SETD1B: variants seen among roughly 807,000 people sequenced by gnomAD.
SETD1B encodes SET domain containing 1B, histone lysine methyltransferase.
In SETD1B, 7 loss-of-function variants were observed where a neutral mutation model predicts 148.0. The ratio of observed to expected loss-of-function variants is 0.05; its 90% confidence interval spans 0.03 to 0.09. SETD1B has a LOEUF of 0.09. SETD1B is among the 10% of genes least tolerant of loss of function. The pLI, the probability that SETD1B is intolerant of heterozygous loss-of-function variation, is 1.00. For synonymous variants in SETD1B, 1,361 were observed against 1,186.5 expected (o/e 1.15, Z -3.02); for missense variants, 2,155 against 2,729.9 (o/e 0.79, Z 4.69).
At chr12:121,803,538 C>G (rs1315376855), upstream of SETD1B, 1 of 152,320 alleles carries the variant, frequency 6.6e-6, no homozygotes, top group East Asian at 1.9e-4. This position sits in a 1 kb window ranked among gnomAD's most constrained non-coding sequence, Gnocchi z 4.7. Flanking sequence ...ACCTCGATTG[C>G]AACTCCTCTG....
chr12:121,791,304 T>G, the SETD1B span, among the ~76,000 whole-genome samples: 2 of 152,192 alleles, frequency 1.3e-5, no homozygotes, highest in Admixed American at 1.3e-4. Context: ...TTTTGGATTT[T>G]TAGTAGAGAT....
In SETD1B at chr12:121,822,758, C is replaced by T; in HGVS notation, c.4179C>T (p.Ser1393=). ...PGGEPPLSGG[S]SGLSLSSPQV... ...GGGAGCCCCCGCTATCAGGGGGCAG[C>T]AGTGGCCTGTCCCTGAGCTCTCCGC... is the stretch of plus-strand genomic sequence containing the variant. Residue 1393 remains serine, a synonymous_variant, in exon 12 of 17, where the codon AGC becomes AGT. Coordinates refer to ENST00000604567, the MANE Select transcript of SETD1B (RefSeq NM_001353345.2). The T allele has an allele frequency of 6.6e-7, 1 of 1,517,190 alleles. No individual in the cohort carries two copies. 94.0% of individuals were successfully genotyped at this position (1,517,190 alleles called of 1,614,324 possible). A position where few individuals can be genotyped will look rare whatever the true frequency, so the allele number is the denominator to read the frequency against.
the SETD1B span, chr12:121,793,586 G>T: frequency 6.4e-7 from 1 of 1,552,772 alleles, no homozygotes. Context: ...GCTCCTTCCT[G>T]CCCGGACCGG....
intron 11 of SETD1B, 148 bp from the exon 12 acceptor site, chr12:121,822,342 G>A: frequency 2.3e-6 from 2 of 855,160 alleles, no homozygotes; most frequent in East Asian, 2.7e-5. Context: ...TGGGCGCTGA[G>A]GAGTCCTTGA....
At position 121,819,617 on chromosome 12, in the gene SETD1B, A is replaced by G; in HGVS notation, c.3632A>G (p.Gln1211Arg). The G allele has an allele frequency of 1.3e-6, 2 of 1,551,936 alleles. No homozygotes were observed. The highest frequency in any genetic ancestry group is 8.7e-7 in the Non-Finnish European group (1 of 1,147,062). The change falls in exon 11 of 17, where the codon CAG becomes CGG. Residue 1211 changes from glutamine (Q) to arginine (R), a missense_variant. Gln to Arg is a conservative substitution (Grantham distance 43). This residue lies in a region of SETD1B where 862 missense variants were observed against 873.8 expected (regional missense o/e 0.99). Coordinates refer to ENST00000604567, the MANE Select transcript of SETD1B (RefSeq NM_001353345.2). Reference sequence around the variant, plus strand: ...TCTGCAGGCCCTGAGGACTTTGAGCAGGACGGGGAGGAAGCGGCTCTGGCC... The same window carrying G: ...TCTGCAGGCCCTGAGGACTTTGAGCGGGACGGGGAGGAAGCGGCTCTGGCC... ...MASAGPEDFE[Q>R]DGEEAALAPG...
Position 121,810,510 on chromosome 12 carries a change from C to T in SETD1B, c.1565C>T (p.Ser522Leu), listed in dbSNP as rs1417166431. 10 of 1,546,318 alleles carry T rather than the reference C, an allele frequency of 6.5e-6. No individual in the cohort carries two copies. In the East Asian group the frequency reaches 7.3e-5, roughly 11 times the overall value. ...CTGCTCTTCCTGAGGGAGCCGGACT[C>T]GGACACCGAGCTGCAGATGGAGGGC... The part of the protein sequence containing the change: ...TKLLFLREPD[S>L]DTELQMEGSP... Residue 522 changes from serine to leucine, a missense_variant, in exon 6 of 17, where the codon TCG becomes TTG. Ser to Leu is a moderately radical substitution (Grantham distance 145, BLOSUM62 -2). Around this residue, in one of 11 missense-constraint regions of SETD1B, gnomAD observed 295 missense variants for 303.8 expected, o/e 0.97. Coordinates refer to ENST00000604567, the MANE Select transcript of SETD1B (RefSeq NM_001353345.2). This position sits in a 1 kb window ranked among gnomAD's most constrained non-coding sequence, Gnocchi z 7.6.
Position 121,805,400 on chromosome 12 carries a change from A to G in SETD1B, c.273+184A>G, listed in dbSNP as rs995256838. 1.3e-5 allele frequency among the ~76,000 whole-genome samples: 2 copies of G among 152,000 alleles called. No individual in the cohort carries two copies. Among genetic ancestry groups the G allele is most frequent in the East Asian group, 3.9e-4 (2 of 5,160 alleles). ...CCTCTCAGCTACTGAAAACAAAATA[A>G]CACTGGGTGAAACTGTAATCACGGC... On this transcript the variant is annotated intron_variant, in intron 3 of 16. Coordinates refer to ENST00000604567, the MANE Select transcript of SETD1B (RefSeq NM_001353345.2). This position sits in a 1 kb window ranked among gnomAD's most constrained non-coding sequence, Gnocchi z 4.2.
At chr12:121,800,539 C>T (rs1200771641), upstream of SETD1B, 9 of 151,820 alleles carry the variant, frequency 5.9e-5, no homozygotes, top group African/African-American at 2.2e-4. Context: ...CCCCGTGGCC[C>T]TCGGCTGCGG....
chr12:121,805,789 A>AG lies in SETD1B; in HGVS notation c.274-44dup, dbSNP rs747519508. On this transcript the variant is annotated intron_variant, in intron 3 of 16. Transcript: ENST00000604567. This position sits in a 1 kb window ranked among gnomAD's most constrained non-coding sequence, Gnocchi z 4.2. The stretch of plus-strand genomic sequence containing the variant: ...CGGGGGGGATGTTGTGTTTTCCCTT[A>AG]GGTTTAAACGTTCTTCAAACTCCCT... The AG allele has an allele frequency of 5.9e-6, 9 of 1,514,348 alleles. No individual in the cohort carries two copies. The African/African-American group carries it at 1.3e-4, about 21-fold the overall frequency. The allele number at this position is 1,514,348 out of a possible 1,614,324, so 93.8% of individuals were successfully genotyped here.
In SETD1B at chr12:121,809,888, A is replaced by G. The variant is rs1402710822; in HGVS notation, c.943A>G (p.Ser315Gly). 3 of 1,551,012 alleles carry G rather than the reference A, an allele frequency of 1.9e-6. No individual in the cohort carries two copies. Among genetic ancestry groups the G allele is most frequent in the African/African-American group, 2.7e-5 (2 of 73,124 alleles). The change falls in exon 6 of 17, where the codon AGC becomes GGC. Residue 315 changes from serine (S) to glycine (G), a missense_variant. This residue lies in a region of SETD1B where 376 missense variants were observed against 385.0 expected (regional missense o/e 0.98). Transcript: ENST00000604567. ...AVTFKARRHE[S>G]KFTDAYNRRH... The stretch of plus-strand genomic sequence containing the variant: ...GACCTTCAAGGCCCGGCGCCACGAG[A>G]GCAAGTTCACGGACGCCTACAACCG...
Position 121,808,779 on chromosome 12 carries a change from A to G in SETD1B, c.657+459A>G, listed in dbSNP as rs1461063782. Reference sequence around the variant, plus strand: ...TCCAAACCACTGCCTTCCAGGACACAGGGACAACTCTCGCGTGGGGCGAGT... The same window carrying G: ...TCCAAACCACTGCCTTCCAGGACACGGGGACAACTCTCGCGTGGGGCGAGT... On this transcript the variant is annotated intron_variant, in intron 5 of 16. Coordinates refer to ENST00000604567, the MANE Select transcript of SETD1B (RefSeq NM_001353345.2). The surrounding 1 kb of genome is among the most constrained non-coding windows in gnomAD (Gnocchi z 5.3). Among the ~76,000 whole-genome samples the G allele has an allele frequency of 6.6e-6, 1 of 152,258 alleles. No homozygotes were observed. Among genetic ancestry groups the G allele is most frequent in the Admixed American group, 6.5e-5 (1 of 15,290 alleles).
At position 121,810,690 on chromosome 12, in the gene SETD1B, A is replaced by C. The variant is rs1306470764; in HGVS notation, c.1745A>C (p.Glu582Ala). The change falls in exon 6 of 17, where the codon GAG becomes GCG. Residue 582 changes from glutamate (E) to alanine (A), a missense_variant. By Grantham distance (107) the Glu-to-Ala change is moderately radical. This residue lies in a region of SETD1B where 295 missense variants were observed against 303.8 expected (regional missense o/e 0.97). Transcript: ENST00000604567. This position sits in a 1 kb window ranked among gnomAD's most constrained non-coding sequence, Gnocchi z 7.6. ...CCAACACCCCTCCCAGACTCCGACG[A>C]GGACGAGGAGCTCGACCTGGGCCTT... ...ISPTPLPDSD[E>A]DEELDLGLGP... 2 of 1,550,894 alleles carry C rather than the reference A, an allele frequency of 1.3e-6. No homozygotes were observed. The highest frequency in any genetic ancestry group is 1.7e-6 in the Non-Finnish European group (2 of 1,146,880).
chr12:121,814,054 G>A (rs2137559840), intron 6 of SETD1B, 52 bp from the exon 7 acceptor site: 1 of 1,447,612 alleles, frequency 6.9e-7, no homozygotes, highest in East Asian at 2.5e-5. Context: ...GACTCCGAGA[G>A]CCCCTTGGCC....
the SETD1B span, chr12:121,793,602 G>A: frequency 6.4e-7 from 1 of 1,551,016 alleles, no homozygotes; most frequent in Non-Finnish European, 8.7e-7. Flanking sequence ...ACCGGGGGCG[G>A]CGGTCTGGGC....
At chr12:121,799,734 GGTGGGGC>G (rs1875226482), upstream of SETD1B, 3 of 128,432 alleles carry the variant, frequency 2.3e-5, no homozygotes, top group African/African-American at 8.9e-5. Context: ...GGGGGGGTGG[GGTGGGGC>G]GGGGCCGCAG....
intron 4 of SETD1B, among the ~76,000 whole-genome samples, chr12:121,806,809 A>G (rs1207793532): frequency 6.6e-6 from 1 of 152,186 alleles, no homozygotes; most frequent in Non-Finnish European, 1.5e-5. Context: ...CTGGCTGGGG[A>G]GGCCATACCT....
At chr12:121,824,616 C>T (rs1335973710) in intron 12 of SETD1B, among the ~76,000 whole-genome samples, 1 of 151,562 alleles carries the variant, frequency 6.6e-6, no homozygotes, top group Non-Finnish European at 1.5e-5. Flanking sequence ...CACTGCACTC[C>T]AGCCTGGGTG....
At chr12:121,793,436 C>T in the SETD1B span, 20 of 1,529,486 alleles carry the variant, frequency 1.3e-5, no homozygotes, top group South Asian at 1.8e-4. Context: ...AGGGTCGGGG[C>T]TCTGGGCTCA....
upstream of SETD1B, chr12:121,799,736 T>TGGGGGGGGGGGGGGGGGGGGG (rs1459030938): frequency 3.2e-5 from 1 of 30,934 alleles, no homozygotes; most frequent in Non-Finnish European, 6.9e-5. Context: ...GGGGGTGGGG[T>TGGGGGGGGGGGGGGGGGGGGG]GGGGCGGGGC....
Sources: gnomAD v4.1 joint callset for allele counts (sites outside exome capture counted in the v4.1 genomes callset) on GRCh38, gnomAD v4.1.1 for gene constraint, gnomAD v4.1.1 regional missense constraint, Gnocchi (gnomAD v3.1) non-coding constraint, MANE v1.5 for transcripts, NCBI Gene and HGNC (gene_info 2026-07-23, HGNC 2026-07-21) for gene names.